The following MPHOSPH8 variants were observed in gnomAD, a reference collection of about 807,000 sequenced individuals.
MPHOSPH8 encodes the protein M-phase phosphoprotein 8.
In MPHOSPH8, 45 loss-of-function variants were observed where a neutral mutation model predicts 87.3. The observed-to-expected ratio is 0.52, with a 90% CI of 0.41 to 0.66. The LOEUF (loss-of-function observed/expected upper bound fraction) is 0.66, where lower values mean the gene tolerates loss of function less well. Among genes scored for constraint, MPHOSPH8 ranks in the 30% least tolerant of loss-of-function variants. The pLI is 0.00. For missense variants in MPHOSPH8, 883 were observed against 1,020.2 expected, an observed-to-expected ratio of 0.87 and a Z score of 1.83; for synonymous variants, 366 against 376.9, an observed-to-expected ratio of 0.97 and a Z score of 0.33.
chr13:19,671,052 C>A, intron 12 of MPHOSPH8, 154 bp from the exon 13 acceptor site: 1 of 1,431,682 alleles, frequency 7.0e-7, no homozygotes, highest in South Asian at 1.5e-5. Flanking sequence ...AACTTCTGGG[C>A]TCAAGCGATT....
At chr13:19,655,842 C>T (rs950788059) in intron 5 of MPHOSPH8, among the ~76,000 whole-genome samples, 1 of 152,128 alleles carries the variant, frequency 6.6e-6, no homozygotes, top group African/African-American at 2.4e-5. Context: ...GTCACCCAGG[C>T]GGGATGCCTC....
intron 8 of MPHOSPH8, 50 bp from the exon 9 acceptor site, chr13:19,662,990 G>A (rs749689984): frequency 1.4e-6 from 2 of 1,454,842 alleles, no homozygotes. Flanking sequence ...TCTGAAAACT[G>A]TCTTTTAAAT....
Position 19,671,819 on chromosome 13 carries a change from C to T in MPHOSPH8, c.2542-15C>T. 6.2e-7 allele frequency: 1 copy of T among 1,613,828 alleles called. No individual in the cohort carries two copies. Among genetic ancestry groups the T allele is most frequent in the Non-Finnish European group, 8.5e-7 (1 of 1,179,730 alleles). ...CTGGATCTGTACTGACACCTGCGTT[C>T]TTTTCTTTCAACAGGTTAAGTTGCT... is the stretch of plus-strand genomic sequence containing the variant. On this transcript the variant is annotated splice_polypyrimidine_tract_variant and intron_variant, in intron 13 of 13. Transcript: ENST00000361479.
At position 19,660,998 on chromosome 13, in the gene MPHOSPH8, A is replaced by C. The variant is rs550320102; in HGVS notation, c.1792-700A>C. 28 of 974,256 alleles carry C rather than the reference A, an allele frequency of 2.9e-5. No individual in the cohort carries two copies. In the African/African-American group the frequency reaches 4.6e-4, roughly 16 times the overall value. The allele number at this position is 974,256 out of a possible 1,614,324, so 60.4% of individuals were successfully genotyped here. ...ATGAGAGCTGGGCGTGGTGGCATGC[A>C]CCTGTAATCCCATCTACTTGAGGCT... On this transcript the variant is annotated intron_variant, in intron 7 of 13. Coordinates refer to ENST00000361479, the MANE Select transcript of MPHOSPH8 (RefSeq NM_017520.4).
intron 1 of MPHOSPH8, among the ~76,000 whole-genome samples, 195 bp from the exon 2 acceptor site, chr13:19,641,920 C>T (rs1874314168): frequency 6.6e-6 from 1 of 152,076 alleles, no homozygotes; most frequent in African/African-American, 2.4e-5. Context: ...AGGCATGATC[C>T]CACTGCACCT....
At chr13:19,660,949 A>G (rs1875490889) in intron 7 of MPHOSPH8, 1 of 985,242 alleles carries the variant, frequency 1.0e-6, no homozygotes, top group Non-Finnish European at 1.2e-6. Flanking sequence ...GATTTAATAC[A>G]CAAAACAAAA....
chr13:19,660,214 T>C (rs926904499), intron 7 of MPHOSPH8, among the ~76,000 whole-genome samples: 1 of 151,760 alleles, frequency 6.6e-6, no homozygotes, highest in Non-Finnish European at 1.5e-5. Context: ...GTGATCTGCC[T>C]GCCTCCGCCT....
chr13:19,646,798 C>T lies in MPHOSPH8; in HGVS notation c.725C>T (p.Thr242Ile). 2 of 1,582,316 alleles carry T rather than the reference C, an allele frequency of 1.3e-6. No homozygotes were observed. The highest frequency in any genetic ancestry group is 1.7e-6 in the Non-Finnish European group (2 of 1,168,742). The change falls in exon 3 of 14, where the codon ACA (threonine) becomes ATA (isoleucine). Residue 242 changes from threonine to isoleucine, a missense_variant. Transcript: ENST00000361479. ...GAAATAAGAGATTTAAAGACGAAAA[C>T]AAGAGAAGATCCCAAAGAAAATAGA... ...KGEIRDLKTK[T>I]REDPKENRKT... is the part of the protein sequence containing the mutation.
chr13:19,646,038 A>G (rs745312334), intron 2 of MPHOSPH8, among the ~76,000 whole-genome samples: 17 of 152,162 alleles, frequency 1.1e-4, no homozygotes, highest in Non-Finnish European at 1.9e-4. Context: ...TCCAGGATCC[A>G]GGGTCTTAGA....
chr13:19,665,689 T>C lies in MPHOSPH8; in HGVS notation c.2020-736T>C, dbSNP rs566990991. On this transcript the variant is annotated intron_variant, in intron 9 of 13. Coordinates refer to ENST00000361479, the MANE Select transcript of MPHOSPH8 (RefSeq NM_017520.4). ...GAGTGCCACCGCTCCTGGAGGCTGC[T>C]CTGCAAAGTGACGCTGCTGCCCCAG... Among the ~76,000 whole-genome samples, 9 of 152,314 alleles carry C rather than the reference T, an allele frequency of 5.9e-5. 1 individual carries two copies. The South Asian group carries it at 1.9e-3, about 32-fold the overall frequency.
chr13:19,662,908 A>C, intron 8 of MPHOSPH8, 132 bp from the exon 9 acceptor site: 15 of 727,592 alleles, frequency 2.1e-5, no homozygotes, highest in Non-Finnish European at 3.0e-5. Flanking sequence ...CCCCACGGGA[A>C]TGCTGCAGCC....
chr13:19,670,541 G>A (rs1295425004), intron 12 of MPHOSPH8, among the ~76,000 whole-genome samples, 178 bp downstream of exon 12: 1 of 152,188 alleles, frequency 6.6e-6, no homozygotes, highest in African/African-American at 2.4e-5. Context: ...TTTGTCAGTA[G>A]GAATTTTTCC....
At chr13:19,642,336 G>A (rs1874340526) in intron 2 of MPHOSPH8, 66 bp downstream of exon 2, 2 of 1,276,944 alleles carry the variant, frequency 1.6e-6, no homozygotes, top group East Asian at 5.5e-5. Flanking sequence ...AACTCTCAAA[G>A]TATGTGTAGT....
Position 19,650,093 on chromosome 13 carries a change from A to C in MPHOSPH8, c.1409A>C (p.Glu470Ala). 1.2e-6 allele frequency: 2 copies of C among 1,613,894 alleles called. No individual in the cohort carries two copies. Among genetic ancestry groups the C allele is most frequent in the Non-Finnish European group, 1.7e-6 (2 of 1,179,878 alleles). Residue 470 changes from glutamate to alanine, a missense_variant, in exon 5 of 14, where the codon GAA becomes GCA. Coordinates refer to ENST00000361479, the MANE Select transcript of MPHOSPH8 (RefSeq NM_017520.4). The part of the protein sequence containing the change: ...DVSENNRKRE[E>A]IPLDFKTIDD... ...TCTGAGAATAATCGGAAAAGGGAAG[A>C]AATACCACTGGATTTTAAAACCATA...
At chr13:19,667,187 GA>G (rs1875868023) in intron 10 of MPHOSPH8, among the ~76,000 whole-genome samples, 1 of 152,146 alleles carries the variant, frequency 6.6e-6, no homozygotes, top group Non-Finnish European at 1.5e-5. Flanking sequence ...AAAAAAGAAA[GA>G]AACTTTAAAC....
rs762723818 is a variant in MPHOSPH8 at position 19,650,060 on chromosome 13, A to G, written c.1376A>G (p.Asn459Ser). 6.2e-7 allele frequency: 1 copy of G among 1,609,524 alleles called. No individual in the cohort carries two copies. Among genetic ancestry groups the G allele is most frequent in the Non-Finnish European group, 8.5e-7 (1 of 1,178,126 alleles). ...DLFKLTPEEK[N>S]DVSENNRKRE... ...TTTAAATTAACTCCAGAAGAAAAAA[A>G]TGATGTTTCTGAGAATAATCGGAAA... Residue 459 changes from asparagine to serine, a missense_variant, in exon 5 of 14, where the codon AAT (asparagine) becomes AGT (serine). Around this residue, in one of 3 missense-constraint regions of MPHOSPH8, gnomAD observed 741 missense variants for 841.5 expected, o/e 0.88. Coordinates refer to ENST00000361479, the MANE Select transcript of MPHOSPH8 (RefSeq NM_017520.4).
intron 5 of MPHOSPH8, among the ~76,000 whole-genome samples, chr13:19,655,678 C>T (rs1565939366): frequency 6.6e-6 from 1 of 152,182 alleles, no homozygotes; most frequent in Non-Finnish European, 1.5e-5. Flanking sequence ...GCCACCATGA[C>T]TGGCCAGAAA....
intron 1 of MPHOSPH8, among the ~76,000 whole-genome samples, chr13:19,637,069 G>A (rs1394731293): frequency 6.6e-6 from 1 of 152,164 alleles, no homozygotes; most frequent in Non-Finnish European, 1.5e-5. Context: ...CTAAAACTCA[G>A]AAGGTTCCTG....
At chr13:19,663,842 C>T (rs989675851) in intron 9 of MPHOSPH8, among the ~76,000 whole-genome samples, 1 of 152,102 alleles carries the variant, frequency 6.6e-6, no homozygotes, top group Non-Finnish European at 1.5e-5. Context: ...TTGAGCCAAG[C>T]GGGGGCCTGC....
Sources: allele counts gnomAD v4.1 joint callset (sites outside exome capture counted in the v4.1 genomes callset), GRCh38; gene constraint gnomAD v4.1.1; regional missense constraint gnomAD v4.1.1; transcripts MANE v1.5; gene names NCBI Gene and HGNC (gene_info 2026-07-23, HGNC 2026-07-21).